STK32B: variants seen among roughly 807,000 people sequenced by gnomAD.
STK32B encodes serine/threonine-protein kinase 32B.
Under a neutral mutation model 52.6 loss-of-function variants are expected in STK32B, and 43 were observed. The ratio of observed to expected loss-of-function variants is 0.82; its 90% CI spans 0.64 to 1.05. The LOEUF (loss-of-function observed/expected upper bound fraction) is 1.05, where lower values mean the gene tolerates loss of function less well. Among genes scored for constraint, STK32B ranks in the 50% least tolerant of loss-of-function variants. The probability of loss-of-function intolerance (pLI) is 0.00; values close to 1 mark genes in which losing one functional copy is unlikely to be tolerated. For synonymous variants in STK32B, 238 were observed against 204.3 expected, an observed-to-expected ratio of 1.17 and a Z score of -1.41; for missense variants, 621 against 534.6, an observed-to-expected ratio of 1.16 and a Z score of -1.59.
chr4:5,464,830 C>T (rs1717310336), intron 9 of STK32B, among the ~76,000 whole-genome samples: 1 of 152,186 alleles, frequency 6.6e-6, no homozygotes, highest in Non-Finnish European at 1.5e-5. Context: ...GAATGAGTGG[C>T]AGGCAAAACA....
chr4:5,160,355 C>A (rs1718342600), intron 2 of STK32B, among the ~76,000 whole-genome samples: 1 of 152,202 alleles, frequency 6.6e-6, no homozygotes, highest in Admixed American at 6.5e-5. Flanking sequence ...CCCCATTGTA[C>A]AGATGAGGAA....
intron 3 of STK32B, among the ~76,000 whole-genome samples, chr4:5,182,066 T>C (rs1253587009): frequency 6.6e-6 from 1 of 152,248 alleles, no homozygotes; most frequent in African/African-American, 2.4e-5. Flanking sequence ...CATGGCATCT[T>C]CATATGGAGC....
intron 7 of STK32B, among the ~76,000 whole-genome samples, chr4:5,450,130 A>G (rs16837242): frequency 0.018 from 2,701 of 152,262 alleles, 43 homozygotes; most frequent in South Asian, 0.083. Flanking sequence ...AGGCTAGACA[A>G]GAGACCTAAG....
intron 11 of STK32B, among the ~76,000 whole-genome samples, chr4:5,498,552 A>T (rs150549740): frequency 6.6e-6 from 1 of 152,146 alleles, no homozygotes; most frequent in Non-Finnish European, 1.5e-5. Context: ...CATTTAATAC[A>T]TGTATACTGA....
At chr4:5,423,534 T>C (rs988869643) in intron 6 of STK32B, among the ~76,000 whole-genome samples, 2 of 152,194 alleles carry the variant, frequency 1.3e-5, no homozygotes, top group East Asian at 3.8e-4. Context: ...AATGTGGTTG[T>C]TCTGATTGCT....
At chr4:5,407,861 C>A (rs758954922) in intron 5 of STK32B, among the ~76,000 whole-genome samples, 2 of 152,104 alleles carry the variant, frequency 1.3e-5, no homozygotes, top group Non-Finnish European at 2.9e-5. Context: ...GGAACACAGA[C>A]GTAAACCGTA....
intron 11 of STK32B, among the ~76,000 whole-genome samples, chr4:5,484,685 G>C (rs545680780): frequency 1.8e-4 from 27 of 152,012 alleles, no homozygotes; most frequent in African/African-American, 2.9e-4. Context: ...TCCTAGCCTC[G>C]ATGGTCTTTA....
intron 3 of STK32B, among the ~76,000 whole-genome samples, chr4:5,296,223 A>C (rs1218748312): frequency 6.6e-6 from 1 of 152,184 alleles, no homozygotes; most frequent in East Asian, 1.9e-4. Context: ...TGATGCTGAG[A>C]AGAATGTATA....
intron 7 of STK32B, among the ~76,000 whole-genome samples, chr4:5,447,856 C>G (rs1715608617): frequency 6.6e-6 from 1 of 152,222 alleles, no homozygotes; most frequent in Non-Finnish European, 1.5e-5. Flanking sequence ...GACTCATCTC[C>G]ATAGCACCAG....
At chr4:5,321,816 C>T (rs73091669) in intron 3 of STK32B, among the ~76,000 whole-genome samples, 2,024 of 152,220 alleles carry the variant, frequency 0.013, 46 homozygotes, top group African/African-American at 0.046. Context: ...CCCCCAACTG[C>T]CTCTGCCTGG....
intron 4 of STK32B, among the ~76,000 whole-genome samples, chr4:5,393,332 C>G (rs1342575763): frequency 6.6e-6 from 1 of 152,210 alleles, no homozygotes; most frequent in Non-Finnish European, 1.5e-5. Flanking sequence ...TCATCCAATC[C>G]TCACTGTAGC....
chr4:5,250,685 T>C lies in STK32B; in HGVS notation c.261-80535T>C, dbSNP rs28821536. ...AACTAATTTACTTTTCTACCAGCAG[T>C]GTATAAGCATTCCCTTTTCTCCTCA... On this transcript the variant is annotated intron_variant, in intron 3 of 11. Transcript: ENST00000282908. Among the ~76,000 whole-genome samples the C allele has an allele frequency of 5.6e-3, 854 of 152,342 alleles. 6 individuals carry two copies. Among genetic ancestry groups the C allele is most frequent in the South Asian group, 0.016 (76 of 4,828 alleles).
At position 5,500,958 on chromosome 4, in the gene STK32B, CATTTCTTGTTTGGAATAAACT is replaced by C. The variant is rs1720681408; in HGVS notation, c.*1884_*1904del. On this transcript the variant is annotated 3_prime_UTR_variant, in exon 12 of 12. Transcript: ENST00000282908. ...GATTTCCTGGTTCTGTTCAAGTTGG[CATTTCTTGTTTGGAATAAACT>C]ATTTCTTGGACATTCCTTCTCACCA... 1 of 149,062 alleles carries C rather than the reference CATTTCTTGTTTGGAATAAACT, an allele frequency of 6.7e-6. No homozygotes were observed. Among genetic ancestry groups the C allele is most frequent in the South Asian group, 2.3e-4 (1 of 4,430 alleles). 9.2% of individuals were successfully genotyped at this position (149,062 alleles called of 1,614,324 possible). A position where few individuals can be genotyped will look rare whatever the true frequency, so the allele number is the denominator to read the frequency against.
At chr4:5,269,645 A>G (rs1727291794) in intron 3 of STK32B, among the ~76,000 whole-genome samples, 2 of 152,238 alleles carry the variant, frequency 1.3e-5, no homozygotes, top group Admixed American at 6.5e-5. Context: ...AAAGGCCTAA[A>G]TCAAACTTCT....
intron 3 of STK32B, among the ~76,000 whole-genome samples, chr4:5,179,367 A>G (rs1720177669): frequency 6.6e-6 from 1 of 152,212 alleles, no homozygotes; most frequent in Non-Finnish European, 1.5e-5. Context: ...GGGTGGGGAC[A>G]CAGCCAAACC....
chr4:5,136,768 G>A (rs1203734020), intron 1 of STK32B, among the ~76,000 whole-genome samples: 1 of 152,130 alleles, frequency 6.6e-6, no homozygotes, highest in Non-Finnish European at 1.5e-5. Flanking sequence ...TCAACCAAGT[G>A]TTAACTTTTC....
intron 11 of STK32B, among the ~76,000 whole-genome samples, chr4:5,496,046 G>A (rs964697359): frequency 2.6e-5 from 4 of 152,232 alleles, no homozygotes; most frequent in African/African-American, 7.2e-5. Flanking sequence ...CACTTGAGGA[G>A]GCAGTCTGCC....
intron 4 of STK32B, among the ~76,000 whole-genome samples, chr4:5,340,684 C>G (rs1040359471): frequency 6.6e-6 from 1 of 152,148 alleles, no homozygotes; most frequent in African/African-American, 2.4e-5. Context: ...ACAACAGTGA[C>G]AATGAATCAA....
At chr4:5,359,619 A>G (rs1215299171) in intron 4 of STK32B, among the ~76,000 whole-genome samples, 2 of 152,242 alleles carry the variant, frequency 1.3e-5, no homozygotes, top group Non-Finnish European at 1.5e-5. Flanking sequence ...AAAGGGCCAC[A>G]GGAGGGGGTC....
Sources: allele counts gnomAD v4.1 joint callset (sites outside exome capture counted in the v4.1 genomes callset), GRCh38; gene constraint gnomAD v4.1.1; transcripts MANE v1.5; gene names NCBI Gene and HGNC (gene_info 2026-07-23, HGNC 2026-07-21).